Variants in NEK10 observed in about 807,000 individuals in gnomAD.
NEK10 encodes NIMA related kinase 10.
Under a neutral mutation model 159.8 loss-of-function variants are expected in NEK10, and 122 were observed. The ratio of observed to expected loss-of-function variants is 0.76; its 90% CI spans 0.66 to 0.89. The LOEUF is 0.89. Among genes scored for constraint, NEK10 ranks in the 40% least tolerant of loss-of-function variants. NEK10 has a pLI of 0.00. For synonymous variants in NEK10, 466 were observed against 457.1 expected, an observed-to-expected ratio of 1.02 and a Z score of -0.25; for missense variants, 1,342 against 1,323.1, an observed-to-expected ratio of 1.01 and a Z score of -0.22.
chr3:27,154,795 C>A (rs1004997218), intron 30 of NEK10, among the ~76,000 whole-genome samples: 3 of 152,104 alleles, frequency 2.0e-5, no homozygotes, highest in African/African-American at 7.2e-5. Flanking sequence ...AAGGGACATA[C>A]CTCAATGTAA....
intron 31 of NEK10, among the ~76,000 whole-genome samples, chr3:27,139,925 G>A (rs1943613882): frequency 6.6e-6 from 1 of 152,196 alleles, no homozygotes; most frequent in Non-Finnish European, 1.5e-5. Flanking sequence ...GAAAAGCCCT[G>A]TGGTTGCTCT....
At position 27,258,376 on chromosome 3, in the gene NEK10, C is replaced by A. The variant is rs187608419; in HGVS notation, c.2015-2005G>T. 4.1e-3 allele frequency among the ~76,000 whole-genome samples: 557 copies of A among 136,744 alleles called. 9 individuals are homozygous for A. Among genetic ancestry groups the A allele is most frequent in the African/African-American group, 0.014 (530 of 37,288 alleles). 89.7% of individuals were successfully genotyped at this position (136,744 alleles called of 152,430 possible). On this transcript the variant is annotated intron_variant, in intron 22 of 35. Coordinates refer to ENST00000691995, the MANE Select transcript of NEK10 (RefSeq NM_001394966.1). ...CAAATGCTATCCCTCCCCCCTCCCCCTACCCCACAACAGGCCCTGGTGTGT... is the reference window on the plus strand; with the variant it reads ...CAAATGCTATCCCTCCCCCCTCCCCATACCCCACAACAGGCCCTGGTGTGT...
At chr3:27,145,881 G>C (rs1233955591) in intron 30 of NEK10, among the ~76,000 whole-genome samples, 1 of 151,920 alleles carries the variant, frequency 6.6e-6, no homozygotes, top group Non-Finnish European at 1.5e-5. Context: ...AAGGGCGGAG[G>C]CCTCATGAAT....
chr3:27,181,476 T>C (rs986667978), intron 26 of NEK10, among the ~76,000 whole-genome samples: 1 of 152,058 alleles, frequency 6.6e-6, no homozygotes, highest in Non-Finnish European at 1.5e-5. Flanking sequence ...GAGGAGGGGT[T>C]GGTTTTGCTG....
intron 23 of NEK10, among the ~76,000 whole-genome samples, chr3:27,254,426 C>A (rs1245185862): frequency 1.3e-5 from 2 of 152,168 alleles, no homozygotes; most frequent in Admixed American, 6.5e-5. Context: ...GGACCTCCTC[C>A]TAAATAAACA....
At chr3:27,123,313 C>T (rs947102858) in intron 32 of NEK10, among the ~76,000 whole-genome samples, 6 of 151,956 alleles carry the variant, frequency 3.9e-5, no homozygotes, top group African/African-American at 1.5e-4. Context: ...TTTAGAGGTT[C>T]TGTAGAAGAA....
chr3:27,352,160 G>A (rs1329441990), intron 3 of NEK10, among the ~76,000 whole-genome samples: 1 of 152,120 alleles, frequency 6.6e-6, no homozygotes, highest in Non-Finnish European at 1.5e-5. Context: ...AAAACCAAAG[G>A]TTGGCCGTTC....
At chr3:27,169,194 C>T (rs1326369077) in intron 29 of NEK10, among the ~76,000 whole-genome samples, 1 of 152,126 alleles carries the variant, frequency 6.6e-6, no homozygotes, top group Admixed American at 6.5e-5. Flanking sequence ...CATCATATAT[C>T]ATAATTTACT....
rs1009542563 is a variant in NEK10, at chr3:27,107,668, G to A, written c.*3604C>T. ...TTCGGAAGCATTAAGCTTCCCTTAC[G>A]TTGGAGCCCTTCATAGCTGTAACTC... On this transcript the variant is annotated 3_prime_UTR_variant, in exon 36 of 36. Coordinates refer to ENST00000691995, the MANE Select transcript of NEK10 (RefSeq NM_001394966.1). Among the ~76,000 whole-genome samples, 1 of 152,132 alleles carries A rather than the reference G, an allele frequency of 6.6e-6. No individual in the cohort carries two copies. Among genetic ancestry groups the A allele is most frequent in the Non-Finnish European group, 1.5e-5 (1 of 68,010 alleles).
intron 23 of NEK10, chr3:27,206,590 T>C: frequency 1.0e-6 from 1 of 985,018 alleles, no homozygotes. Flanking sequence ...TTGGATAATT[T>C]CATTCACATC....
At chr3:27,368,778 C>A (rs533094289) in intron 1 of NEK10, among the ~76,000 whole-genome samples, 127 of 151,940 alleles carry the variant, frequency 8.4e-4, no homozygotes, top group Non-Finnish European at 1.6e-3. Context: ...GTGCCTGAGG[C>A]GAGGAAGTGG....
At chr3:27,123,654 A>G (rs557163793) in intron 32 of NEK10, among the ~76,000 whole-genome samples, 1 of 152,326 alleles carries the variant, frequency 6.6e-6, no homozygotes, top group Non-Finnish European at 1.5e-5. Context: ...CCACCTAGAT[A>G]CATGTAAAAT....
At chr3:27,252,259 T>A (rs1252394660) in intron 23 of NEK10, 3 of 494,398 alleles carry the variant, frequency 6.1e-6, no homozygotes, top group Non-Finnish European at 1.2e-5. Context: ...GAAGGGAGGT[T>A]GCTATTTGGG....
intron 33 of NEK10, among the ~76,000 whole-genome samples, chr3:27,117,009 G>C (rs1258842174): frequency 1.3e-5 from 2 of 152,038 alleles, no homozygotes; most frequent in African/African-American, 2.4e-5. Context: ...CCCAGTGTGT[G>C]TTGTTCCCCT....
chr3:27,239,896 A>G (rs1438578211), intron 23 of NEK10, among the ~76,000 whole-genome samples: 1 of 152,146 alleles, frequency 6.6e-6, no homozygotes, highest in African/African-American at 2.4e-5. Flanking sequence ...TGGCTATAGA[A>G]ATGTTCATAG....
chr3:27,305,875 T>C (rs1169514348), intron 11 of NEK10, among the ~76,000 whole-genome samples: 1 of 152,138 alleles, frequency 6.6e-6, no homozygotes, highest in Non-Finnish European at 1.5e-5. Context: ...TTTCATACTC[T>C]AAACACTCCC....
At chr3:27,212,448 C>A (rs1413476680) in intron 23 of NEK10, among the ~76,000 whole-genome samples, 1 of 152,202 alleles carries the variant, frequency 6.6e-6, no homozygotes, top group Non-Finnish European at 1.5e-5. Context: ...AGTTCCCTCA[C>A]TGAATATGCG....
At chr3:27,246,149 TGAG>T (rs1279495752) in intron 23 of NEK10, among the ~76,000 whole-genome samples, 1 of 152,232 alleles carries the variant, frequency 6.6e-6, no homozygotes, top group East Asian at 1.9e-4. Flanking sequence ...TTTGTGATTC[TGAG>T]GAGTTCAGAA....
At chr3:27,231,173 C>T (rs1196764875) in intron 23 of NEK10, among the ~76,000 whole-genome samples, 1 of 151,908 alleles carries the variant, frequency 6.6e-6, no homozygotes, top group African/African-American at 2.4e-5. Context: ...CTTCTCAAAC[C>T]ACAGTGGAAT....
Sources: gnomAD v4.1 joint callset for allele counts (sites outside exome capture counted in the v4.1 genomes callset) on GRCh38, gnomAD v4.1.1 for gene constraint, MANE v1.5 for transcripts, NCBI Gene and HGNC (gene_info 2026-07-23, HGNC 2026-07-21) for gene names.